Variants in GALNT14 observed in about 807,000 individuals in gnomAD.
The protein encoded by GALNT14 is UDP-GalNAc:polypeptide N-acetylgalactosaminyltransferase 14.
Under a neutral mutation model 77.5 loss-of-function variants are expected in GALNT14, and 60 were observed. The ratio of observed to expected loss-of-function variants is 0.77; its 90% CI spans 0.63 to 0.96. The LOEUF (loss-of-function observed/expected upper bound fraction) is 0.96. Among genes scored for constraint, GALNT14 ranks in the 40% least tolerant of loss-of-function variants. The pLI is 0.00. For missense variants in GALNT14, 710 were observed against 731.0 expected (o/e 0.97, Z 0.33); for synonymous variants, 280 against 281.7 (o/e 0.99, Z 0.06).
intron 11 of GALNT14, among the ~76,000 whole-genome samples, chr2:30,926,581 T>C (rs1256863803): frequency 6.6e-6 from 1 of 152,110 alleles, no homozygotes; most frequent in Non-Finnish European, 1.5e-5. Context: ...AGAGAGAATA[T>C]GTAGTAAGAA....
intron 9 of GALNT14, among the ~76,000 whole-genome samples, chr2:30,933,308 G>A (rs942735857): frequency 6.6e-6 from 1 of 152,164 alleles, no homozygotes; most frequent in Non-Finnish European, 1.5e-5. Context: ...AGGTATTCTG[G>A]TCTGGCTGAT....
At chr2:31,079,592 C>T (rs898436695) in intron 1 of GALNT14, among the ~76,000 whole-genome samples, 1 of 152,190 alleles carries the variant, frequency 6.6e-6, no homozygotes, top group African/African-American at 2.4e-5. Flanking sequence ...GCCCAGCCTG[C>T]TGCCACCAGA....
chr2:31,014,740 G>C (rs770120392), intron 1 of GALNT14, among the ~76,000 whole-genome samples: 1 of 152,168 alleles, frequency 6.6e-6, no homozygotes, highest in Admixed American at 6.5e-5. Context: ...TAGAATAAGA[G>C]GGTAGGAGTC....
At chr2:30,893,354 C>A in the GALNT14 span, among the ~76,000 whole-genome samples, 1 of 152,004 alleles carries the variant, frequency 6.6e-6, no homozygotes, top group Non-Finnish European at 1.5e-5. Flanking sequence ...TGGAGAAAAG[C>A]ATGAAAGATA....
At chr2:31,137,699 G>A in intron 1 of GALNT14, among the ~76,000 whole-genome samples, 1 of 152,160 alleles carries the variant, frequency 6.6e-6, no homozygotes, top group East Asian at 1.9e-4. Context: ...CGCAGCTCAA[G>A]TTGGGAGCCC....
At chr2:30,923,182 C>T (rs1199450366) in intron 13 of GALNT14, among the ~76,000 whole-genome samples, 2 of 151,360 alleles carry the variant, frequency 1.3e-5, no homozygotes, top group African/African-American at 4.9e-5. Context: ...CCTGCCTCAG[C>T]CCCCTGAGTA....
chr2:30,909,030 C>G (rs544235680), downstream of GALNT14, among the ~76,000 whole-genome samples: 4,048 of 152,028 alleles, frequency 0.027, 187 homozygotes, highest in African/African-American at 0.091. Flanking sequence ...AACTGGATCC[C>G]TTCCTTACAC....
At chr2:30,938,984 A>T (rs1358722620) in intron 9 of GALNT14, among the ~76,000 whole-genome samples, 1 of 152,216 alleles carries the variant, frequency 6.6e-6, no homozygotes, top group East Asian at 1.9e-4. Context: ...ATTTAATCCA[A>T]TGAAACTTAT....
chr2:30,969,565 C>T (rs78101332), intron 2 of GALNT14, among the ~76,000 whole-genome samples: 3,449 of 152,270 alleles, frequency 0.023, 142 homozygotes, highest in East Asian at 0.21. Context: ...TACGCAGAGG[C>T]ATAACTCTGC....
chr2:30,964,826 G>C (rs1257316913), intron 3 of GALNT14, among the ~76,000 whole-genome samples: 1 of 152,140 alleles, frequency 6.6e-6, no homozygotes, highest in East Asian at 1.9e-4. Context: ...TTCCCTCAGG[G>C]TGACCCTACT....
At chr2:30,948,307 T>C (rs2148296918) in intron 6 of GALNT14, among the ~76,000 whole-genome samples, 1 of 152,378 alleles carries the variant, frequency 6.6e-6, no homozygotes, top group Non-Finnish European at 1.5e-5. Context: ...GTTTGGCCCT[T>C]GCCCAGCTCC....
At chr2:31,035,046 A>C (rs1279005052) in intron 1 of GALNT14, among the ~76,000 whole-genome samples, 1 of 152,214 alleles carries the variant, frequency 6.6e-6, no homozygotes. Context: ...TTCCACGTAC[A>C]CTTTAGAAGA....
intron 1 of GALNT14, among the ~76,000 whole-genome samples, chr2:31,056,012 G>C (rs1159243718): frequency 6.6e-6 from 1 of 152,266 alleles, no homozygotes; most frequent in South Asian, 2.1e-4. Flanking sequence ...TTCAAACTTC[G>C]AGTCAAATTA....
At chr2:31,023,142 A>C (rs1671824847) in intron 1 of GALNT14, among the ~76,000 whole-genome samples, 1 of 146,764 alleles carries the variant, frequency 6.8e-6, no homozygotes. Context: ...ATAAAGCTAT[A>C]GTGGGGAAAA....
intron 1 of GALNT14, among the ~76,000 whole-genome samples, chr2:31,001,250 C>A (rs188241195): frequency 6.6e-6 from 1 of 152,030 alleles, no homozygotes; most frequent in Non-Finnish European, 1.5e-5. Flanking sequence ...CATGCTAAAC[C>A]ATAACTAGAT....
chr2:30,996,939 G>T lies in GALNT14; in HGVS notation c.130-3932C>A, dbSNP rs561668863. Among the ~76,000 whole-genome samples the T allele has an allele frequency of 3.9e-5, 6 of 152,288 alleles. No homozygotes were observed. In the East Asian group the frequency reaches 9.6e-4, roughly 24 times the overall value. ...ATGTATTAAATAATGGTGAAGGTGT[G>T]TTTAAAATAATACCACTACATAAAG... On this transcript the variant is annotated intron_variant, in intron 1 of 14. Coordinates refer to ENST00000349752, the MANE Select transcript of GALNT14 (RefSeq NM_024572.4).
At chr2:30,972,208 C>A (rs958403051) in intron 2 of GALNT14, among the ~76,000 whole-genome samples, 23 of 152,208 alleles carry the variant, frequency 1.5e-4, no homozygotes, top group Non-Finnish European at 1.6e-4. Context: ...CAAAGAGAAG[C>A]CGCTCTGGCT....
chr2:30,888,357 A>G, the GALNT14 span, among the ~76,000 whole-genome samples: 1 of 152,240 alleles, frequency 6.6e-6, no homozygotes, highest in South Asian at 2.1e-4. Flanking sequence ...TACATGGGTG[A>G]CTACAGAGAA....
chr2:31,049,108 T>A (rs192893579), intron 1 of GALNT14, among the ~76,000 whole-genome samples: 2 of 152,180 alleles, frequency 1.3e-5, no homozygotes, highest in Non-Finnish European at 2.9e-5. Flanking sequence ...ATCTAGCGAT[T>A]CTCTACAGCC....
Sources: gnomAD v4.1 joint callset for allele counts (sites outside exome capture counted in the v4.1 genomes callset) on GRCh38, gnomAD v4.1.1 for gene constraint, MANE v1.5 for transcripts, NCBI Gene and HGNC (gene_info 2026-07-23, HGNC 2026-07-21) for gene names.